KIF13A: variants seen among roughly 807,000 people sequenced by gnomAD.
The protein encoded by KIF13A is kinesin-like protein KIF13A.
Under a neutral mutation model 212.2 loss-of-function variants are expected in KIF13A, and 79 were observed. The observed-to-expected ratio is 0.37, with a 90% CI of 0.31 to 0.45. KIF13A has a LOEUF of 0.45. Among genes scored for constraint, KIF13A ranks in the 20% least tolerant of loss-of-function variants. The probability of loss-of-function intolerance (pLI) is 1.00; values close to 1 mark genes in which losing one functional copy is unlikely to be tolerated. For missense variants in KIF13A, 1,901 were observed against 2,209.0 expected, an observed-to-expected ratio of 0.86 and a Z score of 2.79; for synonymous variants, 789 against 808.6, an observed-to-expected ratio of 0.98 and a Z score of 0.41.
intron 4 of KIF13A, among the ~76,000 whole-genome samples, chr6:17,867,489 G>T (rs1319343004): frequency 6.6e-6 from 1 of 152,156 alleles, no homozygotes; most frequent in African/African-American, 2.4e-5. Flanking sequence ...CAATTATTGA[G>T]TGTTTCCTCT....
intron 2 of KIF13A, among the ~76,000 whole-genome samples, chr6:17,981,874 A>C (rs1028333844): frequency 6.6e-6 from 1 of 152,314 alleles, no homozygotes; most frequent in African/African-American, 2.4e-5. Flanking sequence ...CTAATTATGT[A>C]TGACTTTCAC....
At chr6:17,827,956 C>A (rs12210434) in intron 14 of KIF13A, among the ~76,000 whole-genome samples, 31,489 of 152,146 alleles carry the variant, frequency 0.21, 3,393 homozygotes, top group South Asian at 0.31. Context: ...TTTGAGTTTT[C>A]ATTTTCCAAT....
Position 17,849,359 on chromosome 6 carries a change from T to C in KIF13A, c.830+18A>G, listed in dbSNP as rs1339359122. Reference sequence around the variant, plus strand: ...CAGAAGGAAATCACCCAGGCTGTTCTGGGACCAGCCACCTTACTTGTTAAT... The same window carrying C: ...CAGAAGGAAATCACCCAGGCTGTTCCGGGACCAGCCACCTTACTTGTTAAT... On this transcript the variant is annotated intron_variant, in intron 9 of 38. Transcript: ENST00000259711. This position sits in a 1 kb window ranked among gnomAD's most constrained non-coding sequence, Gnocchi z 5.7. The C allele has an allele frequency of 4.5e-6, 7 of 1,558,996 alleles. No homozygotes were observed. The highest frequency in any genetic ancestry group is 6.2e-6 in the Non-Finnish European group (7 of 1,132,814).
intron 4 of KIF13A, among the ~76,000 whole-genome samples, chr6:17,866,637 G>A (rs1769395757): frequency 6.6e-6 from 1 of 151,544 alleles, no homozygotes; most frequent in African/African-American, 2.4e-5. Flanking sequence ...ACAGTGCTTG[G>A]GATTCAATGC....
At chr6:17,815,260 C>T (rs1328746455) in intron 17 of KIF13A, among the ~76,000 whole-genome samples, 1 of 152,108 alleles carries the variant, frequency 6.6e-6, no homozygotes, top group African/African-American at 2.4e-5. Context: ...AACATGAAAG[C>T]AGACCAGGAG....
chr6:17,804,226 AG>A (rs200509886), intron 20 of KIF13A, 134 bp downstream of exon 20: 21,836 of 678,176 alleles, frequency 0.032, 502 homozygotes, highest in Non-Finnish European at 0.041. Flanking sequence ...TAGAGAAAAA[AG>A]AATGCAGACC....
At chr6:17,880,669 A>T (rs186402397) in intron 3 of KIF13A, among the ~76,000 whole-genome samples, 30 of 147,736 alleles carry the variant, frequency 2.0e-4, no homozygotes, top group Middle Eastern at 7.1e-3. Context: ...TCTGTTGTCC[A>T]GGCCAGAGAC....
At chr6:17,868,070 C>T (rs1362846732) in intron 4 of KIF13A, among the ~76,000 whole-genome samples, 2 of 152,324 alleles carry the variant, frequency 1.3e-5, no homozygotes, top group South Asian at 2.1e-4. Flanking sequence ...ATTAACAATG[C>T]TCGAAGACAC....
chr6:17,810,694 C>G (rs1419795489), intron 17 of KIF13A, among the ~76,000 whole-genome samples: 1 of 152,168 alleles, frequency 6.6e-6, no homozygotes, highest in Non-Finnish European at 1.5e-5. Context: ...TTAGACAGTT[C>G]CATCTGGGGG....
In KIF13A at chr6:17,938,685, G is replaced by A. The variant is rs185873039; in HGVS notation, c.147-40505C>T. Among the ~76,000 whole-genome samples the A allele has an allele frequency of 2.7e-4, 41 of 152,098 alleles. 1 individual carries two copies. The South Asian group carries it at 7.9e-3, about 29-fold the overall frequency. ...CTGAAATGTCAGAATCTAGTATTTC[G>A]TTTTCTGAACTATAATGGATTCAAC... On this transcript the variant is annotated intron_variant, in intron 2 of 38. Coordinates refer to ENST00000259711, the MANE Select transcript of KIF13A (RefSeq NM_022113.6).
At chr6:17,875,001 ACG>A (rs1491047361) in intron 3 of KIF13A, among the ~76,000 whole-genome samples, 1,356 of 133,182 alleles carry the variant, frequency 0.01, 26 homozygotes, top group African/African-American at 0.036. Flanking sequence ...ACGCACACGC[ACG>A]CACACACACA....
intron 4 of KIF13A, among the ~76,000 whole-genome samples, chr6:17,870,135 C>G (rs892324389): frequency 6.6e-6 from 1 of 152,100 alleles, no homozygotes; most frequent in East Asian, 1.9e-4. Context: ...ATGAATTTTA[C>G]CTTTTGCTAA....
rs747716909 is a variant in KIF13A, at chr6:17,776,681, A to G, written c.4170+596T>C. ...CTGTGTTTTTCCTTGGAAAGACCTT[A>G]CTTCTACTCAGCTGCTTCTGGGAAG... On this transcript the variant is annotated intron_variant, in intron 34 of 38. Transcript: ENST00000259711. This position sits in a 1 kb window ranked among gnomAD's most constrained non-coding sequence, Gnocchi z 4.6. Among the ~76,000 whole-genome samples the G allele has an allele frequency of 6.6e-6, 1 of 152,206 alleles. No homozygotes were observed. Among genetic ancestry groups the G allele is most frequent in the Non-Finnish European group, 1.5e-5 (1 of 68,048 alleles).
At position 17,895,372 on chromosome 6, in the gene KIF13A, G is replaced by A. The variant is rs969521265; in HGVS notation, c.159+2796C>T. Among the ~76,000 whole-genome samples, 3 of 152,140 alleles carry A rather than the reference G, an allele frequency of 2.0e-5. No homozygotes were observed. Among genetic ancestry groups the A allele is most frequent in the Non-Finnish European group, 2.9e-5 (2 of 68,028 alleles). On this transcript the variant is annotated intron_variant, in intron 3 of 38. Coordinates refer to ENST00000259711, the MANE Select transcript of KIF13A (RefSeq NM_022113.6). This position sits in a 1 kb window ranked among gnomAD's most constrained non-coding sequence, Gnocchi z 4.4. The stretch of plus-strand genomic sequence containing the variant: ...CATTGTATTTTTAAAACAGTTTGTG[G>A]AATCACTAAAGACTTAGGATTTCAT...
chr6:17,987,481 G>A lies in KIF13A; in HGVS notation c.-18C>T. 13 of 1,248,026 alleles carry A rather than the reference G, an allele frequency of 1.0e-5. No homozygotes were observed. The highest frequency in any genetic ancestry group is 1.4e-5 in the Non-Finnish European group (13 of 956,270). The allele number at this position is 1,248,026 out of a possible 1,614,324, so 77.3% of individuals were successfully genotyped here. On this transcript the variant is annotated 5_prime_UTR_variant, in exon 1 of 39. Transcript: ENST00000259711. This position sits in a 1 kb window ranked among gnomAD's most constrained non-coding sequence, Gnocchi z 7.7. ...TCCGACATGTTGGCTGCGCTCGCCC[G>A]GCCGCTCGCCGCGCCCGCTCGGCCT...
In KIF13A at chr6:17,794,260, C is replaced by T. The variant is rs1419629108; in HGVS notation, c.3211G>A (p.Asp1071Asn). The T allele has an allele frequency of 1.9e-6, 3 of 1,612,692 alleles. No individual in the cohort carries two copies. Among genetic ancestry groups the T allele is most frequent in the Non-Finnish European group, 2.5e-6 (3 of 1,179,026 alleles). ...TCTGCTTGTCTTACCTGGTAACTGT[C>T]CAGCCCTCTTTGGAGTTTGGTGGAC... is the stretch of plus-strand genomic sequence containing the variant. ...ARSTKLQRGL[D>N]SYQRDDEDGD... is the part of the protein sequence containing the mutation. The change falls in exon 25 of 39, where the codon GAC becomes AAC. Residue 1071 changes from aspartate (D) to asparagine (N), a missense_variant. By Grantham distance (23) the Asp-to-Asn change is conservative. Transcript: ENST00000259711. This position sits in a 1 kb window ranked among gnomAD's most constrained non-coding sequence, Gnocchi z 4.1.
chr6:17,781,331 G>A, intron 29 of KIF13A, 30 bp from the exon 30 acceptor site: 1 of 1,527,120 alleles, frequency 6.5e-7, no homozygotes, highest in East Asian at 2.3e-5. Context: ...AGAAAAAACA[G>A]TAGGGGAAAG....
chr6:17,873,470 AT>A (rs1473520933), intron 3 of KIF13A, 33 bp from the exon 4 acceptor site: 1 of 1,388,834 alleles, frequency 7.2e-7, no homozygotes, highest in African/African-American at 1.4e-5. Context: ...AAACTTAAAG[AT>A]TAATTAACTT....
chr6:17,930,072 A>G (rs1775862689), intron 2 of KIF13A, among the ~76,000 whole-genome samples: 1 of 152,224 alleles, frequency 6.6e-6, no homozygotes, highest in Admixed American at 6.5e-5. Flanking sequence ...AAAAGATATC[A>G]TTTGTGAAGT....
Sources: allele counts gnomAD v4.1 joint callset (sites outside exome capture counted in the v4.1 genomes callset), GRCh38; gene constraint gnomAD v4.1.1; non-coding constraint Gnocchi (gnomAD v3.1); transcripts MANE v1.5; gene names NCBI Gene and HGNC (gene_info 2026-07-23, HGNC 2026-07-21).